The following BMPR1B variants were observed in gnomAD, a reference collection of about 807,000 sequenced individuals.
BMPR1B encodes bone morphogenetic protein receptor type 1B.
A neutral mutation model predicts 59.1 loss-of-function variants in BMPR1B; 12 were observed. The observed-to-expected ratio is 0.20, with a 90% confidence interval of 0.13 to 0.33. The LOEUF (loss-of-function observed/expected upper bound fraction) is 0.33. Among genes scored for constraint, BMPR1B ranks in the 10% least tolerant of loss-of-function variants. The pLI is 1.00. For missense variants in BMPR1B, 550 were observed against 610.9 expected (o/e 0.90, Z 1.05); for synonymous variants, 237 against 207.3 (o/e 1.14, Z -1.23).
rs1734922210 is a variant in BMPR1B, at chr4:95,149,941, G to A, written c.1252+1018G>A. Among the ~76,000 whole-genome samples, 2 of 152,186 alleles carry A rather than the reference G, an allele frequency of 1.3e-5. 1 individual carries two copies. Among genetic ancestry groups the A allele is most frequent in the Non-Finnish European group, 2.9e-5 (2 of 68,036 alleles). On this transcript the variant is annotated intron_variant, in intron 11 of 12. Transcript: ENST00000515059. ...TTTCAATGTAAAGATAATGAGAACT[G>A]CCTGGCACATAAATAGCACTCAATA...
chr4:94,762,248 A>G (rs757038597), intron 1 of BMPR1B, among the ~76,000 whole-genome samples: 1 of 152,224 alleles, frequency 6.6e-6, no homozygotes, highest in Non-Finnish European at 1.5e-5. Context: ...AGAGACACAG[A>G]TCCTTGCTGT....
Position 94,937,707 on chromosome 4 carries a change from A to AACACAC in BMPR1B, c.-112-58327_-112-58322dup, listed in dbSNP as rs67140382. Reference sequence around the variant, plus strand: ...TTTTTAAATTTTATGTATATGTATAAACACACACACAGACACACACACACA... The same window carrying AACACAC: ...TTTTTAAATTTTATGTATATGTATAAACACACACACACACACAGACACACACACACA... On this transcript the variant is annotated intron_variant, in intron 2 of 12. Coordinates refer to ENST00000515059, the MANE Select transcript of BMPR1B (RefSeq NM_001203.3). 5.6e-4 allele frequency among the ~76,000 whole-genome samples: 84 copies of AACACAC among 151,194 alleles called. No homozygotes were observed. The South Asian group carries it at 6.3e-3, about 11-fold the overall frequency.
chr4:94,877,005 A>G (rs1356702140), intron 2 of BMPR1B, among the ~76,000 whole-genome samples: 1 of 152,162 alleles, frequency 6.6e-6, no homozygotes, highest in Non-Finnish European at 1.5e-5. Context: ...GAAATAATGT[A>G]CTTTACAAGT....
In BMPR1B at chr4:94,981,005, A is replaced by G. The variant is rs72671247; in HGVS notation, c.-112-15035A>G. Among the ~76,000 whole-genome samples the G allele has an allele frequency of 8.3e-3, 1,023 of 122,778 alleles. 7 individuals are homozygous for G. Among genetic ancestry groups the G allele is most frequent in the South Asian group, 0.013 (52 of 4,088 alleles). The allele number at this position is 122,778 out of a possible 152,430, so 80.5% of individuals were successfully genotyped here. On this transcript the variant is annotated intron_variant, in intron 2 of 12. Coordinates refer to ENST00000515059, the MANE Select transcript of BMPR1B (RefSeq NM_001203.3). ...GCAAGACTCCATCACACACACACAC[A>G]CACACACACACACACACAAAAAGTA... is the stretch of plus-strand genomic sequence containing the variant.
At chr4:95,034,396 C>T (rs1578964892) in intron 3 of BMPR1B, among the ~76,000 whole-genome samples, 1 of 152,028 alleles carries the variant, frequency 6.6e-6, no homozygotes, top group Admixed American at 6.6e-5. Context: ...GCAGTGTACA[C>T]TGTACCCGGT....
At chr4:94,948,064 T>G (rs888342027) in intron 2 of BMPR1B, among the ~76,000 whole-genome samples, 50 of 152,238 alleles carry the variant, frequency 3.3e-4, no homozygotes, top group African/African-American at 1.1e-3. Flanking sequence ...ACAAGTTACA[T>G]TCCAGTGACA....
At chr4:94,929,062 A>G (rs1047911598) in intron 2 of BMPR1B, among the ~76,000 whole-genome samples, 5 of 152,116 alleles carry the variant, frequency 3.3e-5, no homozygotes, top group Non-Finnish European at 7.4e-5. Flanking sequence ...AATGCCTCCC[A>G]ACAATTCCAG....
chr4:94,850,598 G>A (rs918613175), intron 1 of BMPR1B, among the ~76,000 whole-genome samples: 4 of 151,918 alleles, frequency 2.6e-5, no homozygotes, highest in Admixed American at 2.6e-4. Flanking sequence ...CATAAAAATA[G>A]AAAATCTTTT....
In BMPR1B at chr4:95,086,292, A is replaced by G. The variant is rs934094414; in HGVS notation, c.-17-18116A>G. ...ATAGAGGTTTTGAATGGCAAATACA[A>G]TTTTTAGCTTGAACACTGGTAATTT... On this transcript the variant is annotated intron_variant, in intron 3 of 12. Coordinates refer to ENST00000515059, the MANE Select transcript of BMPR1B (RefSeq NM_001203.3). Among the ~76,000 whole-genome samples, 6 of 152,240 alleles carry G rather than the reference A, an allele frequency of 3.9e-5. No individual in the cohort carries two copies. The East Asian group carries it at 7.7e-4, about 20-fold the overall frequency.
intron 1 of BMPR1B, among the ~76,000 whole-genome samples, chr4:94,807,486 G>A (rs1473096117): frequency 6.6e-6 from 1 of 151,298 alleles, no homozygotes; most frequent in African/African-American, 2.4e-5. Context: ...TCAATTTACT[G>A]ATAATGTTTA....
intron 3 of BMPR1B, among the ~76,000 whole-genome samples, chr4:95,030,380 T>C (rs1013556654): frequency 1.3e-5 from 2 of 152,100 alleles, no homozygotes; most frequent in African/African-American, 2.4e-5. Flanking sequence ...GGGAATCCTT[T>C]CCCCATTGCT....
chr4:95,080,980 A>G (rs1181262859), intron 3 of BMPR1B, among the ~76,000 whole-genome samples: 1 of 152,158 alleles, frequency 6.6e-6, no homozygotes, highest in Admixed American at 6.5e-5. Flanking sequence ...CTTGAAATGT[A>G]CTTCCCATAA....
At chr4:94,961,338 T>C (rs1379374413) in intron 2 of BMPR1B, among the ~76,000 whole-genome samples, 1 of 152,162 alleles carries the variant, frequency 6.6e-6, no homozygotes, top group African/African-American at 2.4e-5. Context: ...AGTGAAGAGT[T>C]GAGTAGCTTT....
rs202089229 is a variant in BMPR1B at position 95,131,532 on chromosome 4, A to G, written c.1076+20A>G. 352 of 1,612,802 alleles carry G rather than the reference A, an allele frequency of 2.2e-4. No individual in the cohort carries two copies. The highest frequency in any genetic ancestry group is 2.8e-4 in the Non-Finnish European group (329 of 1,178,992). ...TATTAGGTTAGTATCAAAGTGAACA[A>G]ATACATGTTTTATGACTCTTTTCTG... On this transcript the variant is annotated intron_variant, in intron 10 of 12. Coordinates refer to ENST00000515059, the MANE Select transcript of BMPR1B (RefSeq NM_001203.3).
intron 2 of BMPR1B, among the ~76,000 whole-genome samples, chr4:94,895,230 T>C (rs2148994145): frequency 6.6e-6 from 1 of 152,118 alleles, no homozygotes; most frequent in East Asian, 1.9e-4. Context: ...GGATTAATGG[T>C]GCTTTAAGAC....
intron 2 of BMPR1B, among the ~76,000 whole-genome samples, chr4:94,952,263 G>T (rs1397978768): frequency 6.6e-6 from 1 of 152,032 alleles, no homozygotes. Context: ...GTCTCCTTCA[G>T]TTCTGCTCTG....
At chr4:94,772,310 G>A (rs192243717) in intron 1 of BMPR1B, among the ~76,000 whole-genome samples, 61 of 152,256 alleles carry the variant, frequency 4.0e-4, no homozygotes, top group Admixed American at 1.6e-3. Flanking sequence ...TTTTGGCATA[G>A]CAAAATGCAG....
chr4:95,063,152 G>A (rs554522086), intron 3 of BMPR1B, among the ~76,000 whole-genome samples: 34 of 151,822 alleles, frequency 2.2e-4, no homozygotes, highest in African/African-American at 8.0e-4. Flanking sequence ...AAGATCTAGG[G>A]GTAAAAAAGA....
intron 1 of BMPR1B, among the ~76,000 whole-genome samples, chr4:94,845,808 A>G (rs1725301813): frequency 6.6e-6 from 1 of 152,232 alleles, no homozygotes; most frequent in African/African-American, 2.4e-5. Context: ...AAATATTAGT[A>G]TCTAGTCTAT....
Sources: gnomAD v4.1 joint callset for allele counts (sites outside exome capture counted in the v4.1 genomes callset) on GRCh38, gnomAD v4.1.1 for gene constraint, MANE v1.5 for transcripts, NCBI Gene and HGNC (gene_info 2026-07-23, HGNC 2026-07-21) for gene names.